The following DISC1 variants were observed in gnomAD, a reference collection of about 807,000 sequenced individuals.
The protein encoded by DISC1 is DISC1 scaffold protein.
DISC1 carries 57 observed loss-of-function variants against 84.5 expected under a neutral mutation model. The ratio of observed to expected loss-of-function variants is 0.67; its 90% CI spans 0.55 to 0.84. The LOEUF (loss-of-function observed/expected upper bound fraction) is 0.84, where lower values mean the gene tolerates loss of function less well. Ranked by LOEUF, DISC1 falls within the 40% of genes least tolerant of loss-of-function variation. The probability of loss-of-function intolerance (pLI) is 0.00; values close to 1 mark genes in which losing one functional copy is unlikely to be tolerated. For missense variants in DISC1, 1,000 were observed against 1,057.8 expected (o/e 0.95, Z 0.76); for synonymous variants, 411 against 415.2 (o/e 0.99, Z 0.12).
At chr1:231,957,375 T>C (rs1558780048) in intron 9 of DISC1, among the ~76,000 whole-genome samples, 2 of 152,220 alleles carry the variant, frequency 1.3e-5, no homozygotes, top group African/African-American at 2.4e-5. Context: ...GCTGTCTTTT[T>C]TTTTCCCCTT....
intron 9 of DISC1, among the ~76,000 whole-genome samples, chr1:231,951,901 A>C (rs1315135946): frequency 6.6e-6 from 1 of 151,742 alleles, no homozygotes; most frequent in African/African-American, 2.4e-5. Context: ...CCTCATCTCT[A>C]CAAAAAAATT....
At chr1:231,784,506 G>A (rs1392759389) in intron 6 of DISC1, among the ~76,000 whole-genome samples, 7 of 152,264 alleles carry the variant, frequency 4.6e-5, no homozygotes, top group African/African-American at 1.4e-4. Flanking sequence ...TTTACTTAAT[G>A]TCCTTAGCCT....
chr1:231,911,261 T>C (rs915035773), intron 9 of DISC1, among the ~76,000 whole-genome samples: 2 of 152,230 alleles, frequency 1.3e-5, no homozygotes, highest in African/African-American at 4.8e-5. Flanking sequence ...ATGCAGTTTC[T>C]TCCTAGCCTC....
intron 9 of DISC1, among the ~76,000 whole-genome samples, chr1:231,886,762 CCTTCCTTTCTTT>C (rs1553384524): frequency 0.032 from 3,761 of 119,006 alleles, 106 homozygotes; most frequent in Middle Eastern, 0.053. Flanking sequence ...TTTCTTCCTT[CCTTCCTTTCTTT>C]CTTTCTTTCT....
intron 9 of DISC1, among the ~76,000 whole-genome samples, chr1:231,935,773 T>C (rs1244429716): frequency 6.6e-6 from 1 of 152,220 alleles, no homozygotes; most frequent in Non-Finnish European, 1.5e-5. Flanking sequence ...GTAATATAAA[T>C]GTGGACGTGC....
intron 10 of DISC1, among the ~76,000 whole-genome samples, chr1:231,987,549 T>C (rs1664622690): frequency 6.6e-6 from 1 of 152,222 alleles, no homozygotes; most frequent in Admixed American, 6.5e-5. Context: ...CTTTTCTAAA[T>C]AGTTTTCCAG....
rs776655587 is a variant in DISC1 at position 231,694,022 on chromosome 1, TGACTC to T, written c.267_271del (p.Asp89GlufsTer40). The T allele has an allele frequency of 1.6e-5, 26 of 1,614,056 alleles. No individual in the cohort carries two copies. The highest frequency in any genetic ancestry group is 1.4e-5 in the Non-Finnish European group (16 of 1,180,016). On this transcript the variant is annotated frameshift_variant, in exon 2 of 13. Transcript: ENST00000439617. LOFTEE classifies it high-confidence loss of function. Reference sequence around the variant, plus strand: ...AGTCCAGGGCCAGACAGTGTGGCCTTGACTCGAGAGGCCTCTTGGTCCGGAGCCCT... The same window carrying T: ...AGTCCAGGGCCAGACAGTGTGGCCTTGAGAGGCCTCTTGGTCCGGAGCCCT...
chr1:231,812,832 G>A (rs1167254408), intron 8 of DISC1, among the ~76,000 whole-genome samples: 1 of 152,188 alleles, frequency 6.6e-6, no homozygotes, highest in Non-Finnish European at 1.5e-5. Context: ...AGAGAGGTCT[G>A]CATCAAGCAA....
rs1014372158 is a variant in DISC1 at position 232,038,317 on chromosome 1, C to T, written c.*1486C>T. On this transcript the variant is annotated 3_prime_UTR_variant, in exon 13 of 13. Transcript: ENST00000439617. ...CTGCTTCTTTGGCCCAGCTGGGACT[C>T]CTATTGAGACAGCTGCAAAACAGGC... is the stretch of plus-strand genomic sequence containing the variant. 22 of 152,166 alleles carry T rather than the reference C, an allele frequency of 1.4e-4. No homozygotes were observed. Among genetic ancestry groups the T allele is most frequent in the Non-Finnish European group, 2.9e-5 (2 of 68,022 alleles). The allele number at this position is 152,166 out of a possible 1,614,324, so 9.4% of individuals were successfully genotyped here.
intron 9 of DISC1, among the ~76,000 whole-genome samples, chr1:231,864,500 A>G (rs2084913114): frequency 6.6e-6 from 1 of 152,118 alleles, no homozygotes. Context: ...CGTCTCTATT[A>G]AAAATACAAA....
chr1:231,744,035 A>G (rs1487924625), intron 3 of DISC1, among the ~76,000 whole-genome samples: 2 of 152,198 alleles, frequency 1.3e-5, no homozygotes, highest in East Asian at 3.8e-4. Context: ...GTTCAAAATG[A>G]CAAGCTTGTT....
At chr1:231,905,358 C>A (rs2088550593) in intron 9 of DISC1, among the ~76,000 whole-genome samples, 1 of 152,198 alleles carries the variant, frequency 6.6e-6, no homozygotes, top group Admixed American at 6.5e-5. Flanking sequence ...GTGGCTCATG[C>A]CTATTATCCT....
At chr1:231,801,420 A>G (rs995622750) in intron 8 of DISC1, among the ~76,000 whole-genome samples, 1 of 152,218 alleles carries the variant, frequency 6.6e-6, no homozygotes, top group Non-Finnish European at 1.5e-5. Context: ...GGCAGCAGAG[A>G]TAGCCTCACT....
At chr1:231,968,714 A>G (rs1661472030) in intron 10 of DISC1, among the ~76,000 whole-genome samples, 1 of 151,962 alleles carries the variant, frequency 6.6e-6, no homozygotes, top group South Asian at 2.1e-4. Context: ...GTCCACCGCC[A>G]ACTCCCTGTG....
chr1:231,886,754 T>TTC (rs1558691686), intron 9 of DISC1, among the ~76,000 whole-genome samples: 1 of 124,078 alleles, frequency 8.1e-6, no homozygotes. Context: ...TTTCTTCCTT[T>TTC]CTTCCTTCCT....
chr1:231,646,838 G>T (rs967629843), intron 1 of DISC1, among the ~76,000 whole-genome samples: 10 of 152,138 alleles, frequency 6.6e-5, no homozygotes, highest in African/African-American at 2.4e-4. Context: ...TCATGTGTCT[G>T]TTGGCTGCAT....
intron 4 of DISC1, among the ~76,000 whole-genome samples, chr1:231,759,545 A>AAAAAAAC (rs1355921406): frequency 2.5e-4 from 36 of 144,504 alleles, no homozygotes; most frequent in Non-Finnish European, 3.9e-4. Flanking sequence ...AAAAAAAAAA[A>AAAAAAAC]AAAAAACAAA....
At chr1:231,880,487 A>T (rs909730724) in intron 9 of DISC1, among the ~76,000 whole-genome samples, 9 of 152,196 alleles carry the variant, frequency 5.9e-5, no homozygotes, top group Non-Finnish European at 1.0e-4. Context: ...TATTTAAAAA[A>T]TTTTTGCTCT....
chr1:232,008,767 G>A lies in DISC1; in HGVS notation c.2043-18G>A, dbSNP rs752259709. ...TCACTGAGTTCATTTTTATGCCTTT[G>A]TTTCCTCTCTGTCTCAGCTGCAAGT... On this transcript the variant is annotated intron_variant, in intron 10 of 12. Transcript: ENST00000439617. 5.2e-6 allele frequency: 8 copies of A among 1,533,160 alleles called. No individual in the cohort carries two copies. The highest frequency in any genetic ancestry group is 7.0e-6 in the Non-Finnish European group (8 of 1,141,892). The allele number at this position is 1,533,160 out of a possible 1,614,324, so 95.0% of individuals were successfully genotyped here.
Sources: gnomAD v4.1 joint callset for allele counts (sites outside exome capture counted in the v4.1 genomes callset) on GRCh38, gnomAD v4.1.1 for gene constraint, MANE v1.5 for transcripts, NCBI Gene and HGNC (gene_info 2026-07-23, HGNC 2026-07-21) for gene names.